The following CC2D1A variants were observed in gnomAD, a reference collection of about 807,000 sequenced individuals.
CC2D1A encodes coiled-coil and C2 domain containing 1A.
A neutral mutation model predicts 123.8 loss-of-function variants in CC2D1A; 68 were observed. The ratio of observed to expected loss-of-function variants is 0.55; its 90% confidence interval spans 0.45 to 0.67. The LOEUF is 0.67. CC2D1A is among the 30% of genes least tolerant of loss of function. The pLI is 0.00. For synonymous variants in CC2D1A, 477 were observed against 528.0 expected, an observed-to-expected ratio of 0.90 and a Z score of 1.32; for missense variants, 1,185 against 1,290.3, an observed-to-expected ratio of 0.92 and a Z score of 1.25.
At chr19:13,925,115 T>C (rs1454008014) in intron 17 of CC2D1A, among the ~76,000 whole-genome samples, 2 of 152,162 alleles carry the variant, frequency 1.3e-5, no homozygotes, top group African/African-American at 4.8e-5. Flanking sequence ...CCGAGCAGTC[T>C]CTTCTGAGCA....
At chr19:13,919,993 T>G in intron 12 of CC2D1A, 42 bp downstream of exon 12, 1 of 1,564,698 alleles carries the variant, frequency 6.4e-7, no homozygotes, top group Non-Finnish European at 8.7e-7. Flanking sequence ...ACACCTGTAG[T>G]CCCAGCACTT....
chr19:13,920,889 C>T lies in CC2D1A; in HGVS notation c.1608C>T (p.Ala536=), dbSNP rs1271041494. ...QAKGLEPMLE[A]SRNGLPVDIT... is the part of the protein sequence containing the mutation. The stretch of plus-strand genomic sequence containing the variant: ...AGGGACTGGAGCCTATGCTGGAGGC[C>T]TCGCGCAATGGGCTGCCTGTGGACA... The change falls in exon 14 of 29, where the codon GCC becomes GCT. Residue 536 remains alanine (A), a synonymous_variant. Transcript: ENST00000318003. The T allele has an allele frequency of 6.2e-7, 1 of 1,613,878 alleles. No homozygotes were observed. The highest frequency in any genetic ancestry group is 8.5e-7 in the Non-Finnish European group (1 of 1,179,992).
chr19:13,923,249 G>A lies in CC2D1A; in HGVS notation c.1642-84G>A, dbSNP rs973372817. On this transcript the variant is annotated intron_variant, in intron 14 of 28. Transcript: ENST00000318003. The surrounding 1 kb of genome is among the most constrained non-coding windows in gnomAD (Gnocchi z 5.3). The stretch of plus-strand genomic sequence containing the variant: ...GAGCCGTGGTCAGGGAATGCCCCTC[G>A]TCAAGGAAGAATGACATTTCTGCAG... 7.7e-5 allele frequency: 114 copies of A among 1,477,622 alleles called. No homozygotes were observed. The highest frequency in any genetic ancestry group is 1.6e-4 in the African/African-American group (11 of 70,798). 91.5% of individuals were successfully genotyped at this position (1,477,622 alleles called of 1,614,324 possible).
At chr19:13,915,348 T>C (rs567261878) in intron 6 of CC2D1A, among the ~76,000 whole-genome samples, 1 of 152,152 alleles carries the variant, frequency 6.6e-6, no homozygotes, top group Admixed American at 6.6e-5. Context: ...CAGGTTCAAG[T>C]GATTCACCTG....
chr19:13,927,801 A>C, intron 22 of CC2D1A, 92 bp from the exon 23 acceptor site: 1 of 1,404,254 alleles, frequency 7.1e-7, no homozygotes, highest in Non-Finnish European at 9.6e-7. Flanking sequence ...AAAAACCAAA[A>C]AAAAAAACCA....
chr19:13,923,409 C>G lies in CC2D1A; in HGVS notation c.1718C>G (p.Ala573Gly), dbSNP rs776189016. 6.2e-7 allele frequency: 1 copy of G among 1,613,588 alleles called. No homozygotes were observed. Among genetic ancestry groups the G allele is most frequent in the Non-Finnish European group, 8.5e-7 (1 of 1,180,002 alleles). The change falls in exon 15 of 29, where the codon GCC becomes GGC. Residue 573 changes from alanine to glycine, a missense_variant. Physicochemically the swap from Ala to Gly is moderately conservative, Grantham distance 60. Transcript: ENST00000318003. This position sits in a 1 kb window ranked among gnomAD's most constrained non-coding sequence, Gnocchi z 5.3. ...RPGPGLSQEA[A>G]RRYGELTKLI... is the part of the protein sequence containing the mutation. Reference sequence around the variant, plus strand: ...GGCCCGGGTCTGTCTCAGGAGGCCGCCCGGCGCTATGGTGAACTCACCAAG... The same window carrying G: ...GGCCCGGGTCTGTCTCAGGAGGCCGGCCGGCGCTATGGTGAACTCACCAAG...
At chr19:13,911,520 T>C (rs1970995482) in intron 2 of CC2D1A, among the ~76,000 whole-genome samples, 1 of 150,430 alleles carries the variant, frequency 6.6e-6, no homozygotes, top group Admixed American at 6.6e-5. Context: ...AGCTGGGGTT[T>C]TTTTTGTTGT....
At chr19:13,919,271 C>T (rs1209536258) in intron 11 of CC2D1A, 69 bp downstream of exon 11, 9 of 1,257,210 alleles carry the variant, frequency 7.2e-6, no homozygotes, top group Middle Eastern at 2.6e-4. Flanking sequence ...CCAGAGGCCC[C>T]GCCGCTGGCA....
intron 12 of CC2D1A, 45 bp from the exon 13 acceptor site, chr19:13,920,512 C>T: frequency 8.5e-7 from 1 of 1,176,066 alleles, no homozygotes. Flanking sequence ...CTGGACTCAT[C>T]ACAGGCGCTA....
intron 6 of CC2D1A, among the ~76,000 whole-genome samples, chr19:13,914,268 G>A (rs1019431322): frequency 6.6e-6 from 1 of 151,512 alleles, no homozygotes; most frequent in Non-Finnish European, 1.5e-5. Flanking sequence ...CAACCTCCTG[G>A]GCTCAAGGGA....
intron 6 of CC2D1A, 94 bp from the exon 7 acceptor site, chr19:13,917,976 G>T: frequency 6.8e-6 from 9 of 1,325,420 alleles, no homozygotes; most frequent in Non-Finnish European, 9.1e-6. Flanking sequence ...GTCTGAAAAA[G>T]AAAAAAAAAA....
In CC2D1A at chr19:13,906,246, G is replaced by C. The variant is rs909970372; in HGVS notation, c.-196G>C. Reference sequence around the variant, plus strand: ...CCGGCGAGCCCAGTGGCCGCGCTCCGGTGCGGCGGCGCCCGAGGCCCGAGG... The same window carrying C: ...CCGGCGAGCCCAGTGGCCGCGCTCCCGTGCGGCGGCGCCCGAGGCCCGAGG... On this transcript the variant is annotated 5_prime_UTR_variant, in exon 1 of 29. Coordinates refer to ENST00000318003, the MANE Select transcript of CC2D1A (RefSeq NM_017721.5). The surrounding 1 kb of genome is among the most constrained non-coding windows in gnomAD (Gnocchi z 4.1). 36 of 450,406 alleles carry C rather than the reference G, an allele frequency of 8.0e-5. No homozygotes were observed. Among genetic ancestry groups the C allele is most frequent in the Middle Eastern group, 5.9e-4 (1 of 1,708 alleles). 27.9% of individuals were successfully genotyped at this position (450,406 alleles called of 1,614,324 possible).
chr19:13,930,143 G>A lies in CC2D1A; in HGVS notation c.2776G>A (p.Asp926Asn), dbSNP rs576457697. 2.1e-5 allele frequency: 34 copies of A among 1,612,952 alleles called. No individual in the cohort carries two copies. The highest frequency in any genetic ancestry group is 8.8e-5 in the South Asian group (8 of 91,056). ...YTEAARRLGN[D>N]GSRDAAKEAL... ...GGAGGCTGCCCGGCGCCTGGGCAAC[G>A]ATGGCAGCAGGGTGAGCTGGTCGCG... The change falls in exon 27 of 29, where the codon GAT (aspartate) becomes AAT (asparagine). Residue 926 changes from aspartate (D) to asparagine (N), a missense_variant. By Grantham distance (23) the Asp-to-Asn change is conservative. Transcript: ENST00000318003. The surrounding 1 kb of genome is among the most constrained non-coding windows in gnomAD (Gnocchi z 6.8).
Position 13,909,810 on chromosome 19 carries a change from G to T in CC2D1A, c.61-13G>T, listed in dbSNP as rs1282998152. The stretch of plus-strand genomic sequence containing the variant: ...GAACCAAAGGTCTGACTGAACCCTT[G>T]CTGTTCCCCTAGCTGGGCCTGCTGG... On this transcript the variant is annotated splice_polypyrimidine_tract_variant and intron_variant, in intron 1 of 28. Coordinates refer to ENST00000318003, the MANE Select transcript of CC2D1A (RefSeq NM_017721.5). 1 of 1,595,738 alleles carries T rather than the reference G, an allele frequency of 6.3e-7. No homozygotes were observed. The highest frequency in any genetic ancestry group is 1.3e-5 in the African/African-American group (1 of 74,532).
Position 13,923,385 on chromosome 19 carries a change from G to GT in CC2D1A, c.1694_1695insT (p.Leu568SerfsTer11), listed in dbSNP as rs758351496. ...GACTTTGCCCTGGTCCAGCGGCCTG[G>GT]CCCGGGTCTGTCTCAGGAGGCCGCC... On this transcript the variant is annotated frameshift_variant, in exon 15 of 29. Coordinates refer to ENST00000318003, the MANE Select transcript of CC2D1A (RefSeq NM_017721.5). LOFTEE classifies it high-confidence loss of function. The surrounding 1 kb of genome is among the most constrained non-coding windows in gnomAD (Gnocchi z 5.3). 1.1e-5 allele frequency: 18 copies of GT among 1,612,288 alleles called. 1 individual carries two copies. The South Asian group carries it at 1.9e-4, about 17-fold the overall frequency.
Position 13,930,196 on chromosome 19 carries a change from G to C in CC2D1A, c.2787+42G>C. ...CCGGGTGGGCACTGGGCAGCGGGCAGGGTGGGGCCTGCAGGGACTACCTGC... is the reference window on the plus strand; with the variant it reads ...CCGGGTGGGCACTGGGCAGCGGGCACGGTGGGGCCTGCAGGGACTACCTGC... On this transcript the variant is annotated intron_variant, in intron 27 of 28. Transcript: ENST00000318003. The surrounding 1 kb of genome is among the most constrained non-coding windows in gnomAD (Gnocchi z 6.8). 1.2e-6 allele frequency: 2 copies of C among 1,613,306 alleles called. No homozygotes were observed. Among genetic ancestry groups the C allele is most frequent in the African/African-American group, 1.3e-5 (1 of 74,580 alleles).
At chr19:13,910,109 G>A (rs534164208) in intron 2 of CC2D1A, 151 bp downstream of exon 2, 37 of 737,108 alleles carry the variant, frequency 5.0e-5, no homozygotes, top group African/African-American at 4.0e-4. Flanking sequence ...AGTCAAGATC[G>A]ACTCTGAGGC....
chr19:13,913,622 G>GC lies in CC2D1A; in HGVS notation c.736dup (p.Gln246ProfsTer40). The GC allele has an allele frequency of 6.2e-7, 1 of 1,605,770 alleles. No individual in the cohort carries two copies. The highest frequency in any genetic ancestry group is 8.5e-7 in the Non-Finnish European group (1 of 1,174,844). On this transcript the variant is annotated frameshift_variant, in exon 6 of 29. Coordinates refer to ENST00000318003, the MANE Select transcript of CC2D1A (RefSeq NM_017721.5). LOFTEE classifies it high-confidence loss of function. ...CAGCCTCATCTCCAGGCTTGGCTAA[G>GC]CCCCAGATGCCCCCAGGTAGGTGAT...
chr19:13,912,432 C>A lies in CC2D1A; in HGVS notation c.306C>A (p.Asp102Glu). 6.2e-7 allele frequency: 1 copy of A among 1,613,874 alleles called. No homozygotes were observed. Among genetic ancestry groups the A allele is most frequent in the Non-Finnish European group, 8.5e-7 (1 of 1,179,924 alleles). Residue 102 changes from aspartate to glutamate, a missense_variant, in exon 3 of 29, where the codon GAC becomes GAA. Asp to Glu is a conservative substitution (Grantham distance 45, BLOSUM62 2). Coordinates refer to ENST00000318003, the MANE Select transcript of CC2D1A (RefSeq NM_017721.5). ...TDEDDLEADDDLLAELNEVLG... is the reference protein window; with the variant it reads ...TDEDDLEADDELLAELNEVLG... ...AGGACGACTTGGAGGCTGATGATGA[C>A]CTGCTGGTGAGCACTGAGGGCGGGG... is the stretch of plus-strand genomic sequence containing the variant.
Sources: allele counts gnomAD v4.1 joint callset (sites outside exome capture counted in the v4.1 genomes callset), GRCh38; gene constraint gnomAD v4.1.1; non-coding constraint Gnocchi (gnomAD v3.1); transcripts MANE v1.5; gene names NCBI Gene and HGNC (gene_info 2026-07-23, HGNC 2026-07-21).